The following PNN variants were observed in gnomAD, a reference collection of about 807,000 sequenced individuals.
The protein encoded by PNN is pinin, desmosome associated protein.
PNN carries 38 observed loss-of-function variants against 76.6 expected under a neutral mutation model. That is an observed-to-expected ratio of 0.50 (90% confidence interval 0.38 to 0.65). The LOEUF (loss-of-function observed/expected upper bound fraction) is 0.65, where lower values mean the gene tolerates loss of function less well. Among genes scored for constraint, PNN ranks in the 30% least tolerant of loss-of-function variants. The pLI, the probability that PNN is intolerant of heterozygous loss-of-function variation, is 0.00. For missense variants in PNN, 873 were observed against 874.1 expected (o/e 1.00, Z 0.02); for synonymous variants, 366 against 283.7 (o/e 1.29, Z -2.91).
chr14:39,177,300 C>T, intron 3 of PNN, 112 bp from the exon 4 acceptor site: 1 of 771,552 alleles, frequency 1.3e-6, no homozygotes, highest in Non-Finnish European at 2.1e-6. Context: ...GCAGGAGGAT[C>T]ACTTGAGCCT....
chr14:39,177,496 G>T lies in PNN; in HGVS notation c.327+12G>T. ...ATGATGTTAAAAAGGTATTGAGATT[G>T]AAAGAACTTAAATGAATGTAGTACC... On this transcript the variant is annotated intron_variant, in intron 4 of 8. Transcript: ENST00000216832. The T allele has an allele frequency of 1.2e-6, 2 of 1,612,072 alleles. No individual in the cohort carries two copies. Among genetic ancestry groups the T allele is most frequent in the Non-Finnish European group, 1.7e-6 (2 of 1,178,146 alleles).
chr14:39,181,911 T>A lies in PNN; in HGVS notation c.*48T>A. The A allele has an allele frequency of 6.6e-7, 1 of 1,510,256 alleles. No homozygotes were observed. Among genetic ancestry groups the A allele is most frequent in the South Asian group, 1.4e-5 (1 of 73,414 alleles). 93.6% of individuals were successfully genotyped at this position (1,510,256 alleles called of 1,614,324 possible). A position where few individuals can be genotyped will look rare whatever the true frequency, so the allele number is the denominator to read the frequency against. ...GCCATTCTTTGCAGCAGAAGATTTC[T>A]TGATAAAAAAGGATTACCTTTCCTT... is the stretch of plus-strand genomic sequence containing the variant. On this transcript the variant is annotated 3_prime_UTR_variant, in exon 9 of 9. Coordinates refer to ENST00000216832, the MANE Select transcript of PNN (RefSeq NM_002687.4).
At position 39,176,063 on chromosome 14, in the gene PNN, G is replaced by C; in HGVS notation, c.114-15G>C. ...TCTACATATGATTTTGCACTGATTT[G>C]TAAATCTTTTACAGGCCCATCCAAG... is the stretch of plus-strand genomic sequence containing the variant. On this transcript the variant is annotated splice_polypyrimidine_tract_variant and intron_variant, in intron 1 of 8. Transcript: ENST00000216832. 1.3e-6 allele frequency: 2 copies of C among 1,532,546 alleles called. No homozygotes were observed. The highest frequency in any genetic ancestry group is 1.8e-6 in the Non-Finnish European group (2 of 1,106,110). 94.9% of individuals were successfully genotyped at this position (1,532,546 alleles called of 1,614,324 possible). A position where few individuals can be genotyped will look rare whatever the true frequency, so the allele number is the denominator to read the frequency against.
In PNN at chr14:39,180,686, A is replaced by C. The variant is rs200125793; in HGVS notation, c.977A>C (p.His326Pro). The C allele has an allele frequency of 4.4e-6, 7 of 1,608,946 alleles. No individual in the cohort carries two copies. Among genetic ancestry groups the C allele is most frequent in the Non-Finnish European group, 5.9e-6 (7 of 1,177,092 alleles). ...GAGTTGGAGGAGACAGGTAATCAGC[A>C]CAATGATGTAGAAATAGAGGAAGCA... ...EEELEETGNQ[H>P]NDVEIEEAGE... The change falls in exon 9 of 9, where the codon CAC becomes CCC. Residue 326 changes from histidine to proline, a missense_variant. Physicochemically the swap from His to Pro is moderately conservative, Grantham distance 77. Around this residue, in one of 3 missense-constraint regions of PNN, gnomAD observed 712 missense variants for 693.1 expected, o/e 1.03. Coordinates refer to ENST00000216832, the MANE Select transcript of PNN (RefSeq NM_002687.4).
In PNN at chr14:39,181,912, T is replaced by C. The variant is rs1301312896; in HGVS notation, c.*49T>C. 6.6e-7 allele frequency: 1 copy of C among 1,508,644 alleles called. No individual in the cohort carries two copies. Among genetic ancestry groups the C allele is most frequent in the African/African-American group, 1.4e-5 (1 of 71,660 alleles). 93.5% of individuals were successfully genotyped at this position (1,508,644 alleles called of 1,614,324 possible). A position where few individuals can be genotyped will look rare whatever the true frequency, so the allele number is the denominator to read the frequency against. ...CCATTCTTTGCAGCAGAAGATTTCT[T>C]GATAAAAAAGGATTACCTTTCCTTG... On this transcript the variant is annotated 3_prime_UTR_variant, in exon 9 of 9. Transcript: ENST00000216832.
intron 6 of PNN, among the ~76,000 whole-genome samples, chr14:39,178,211 C>T (rs2053243657): frequency 6.6e-6 from 1 of 151,960 alleles, no homozygotes; most frequent in Non-Finnish European, 1.5e-5. Flanking sequence ...GTGCTAAGTT[C>T]TAGTTAGTTG....
In PNN at chr14:39,176,109, G is replaced by C; in HGVS notation, c.145G>C (p.Gly49Arg). Residue 49 changes from glycine (G) to arginine (R), a missense_variant, in exon 2 of 9, where the codon GGT (glycine) becomes CGT (arginine). Gly to Arg is a moderately radical substitution (Grantham distance 125). This residue lies in a region of PNN where 156 missense variants were observed against 161.7 expected (regional missense o/e 0.96). Coordinates refer to ENST00000216832, the MANE Select transcript of PNN (RefSeq NM_002687.4). Reference sequence around the variant, plus strand: ...CCAAGCCAGATTGCTGGCCCTTTCTGGTCCTGGTGGAGGTAGAGGACGTGG... The same window carrying C: ...CCAAGCCAGATTGCTGGCCCTTTCTCGTCCTGGTGGAGGTAGAGGACGTGG... Reference protein sequence around the residue: ...PIQARLLALSGPGGGRGRGSL... With the variant: ...PIQARLLALSRPGGGRGRGSL... 6.2e-7 allele frequency: 1 copy of C among 1,610,288 alleles called. No individual in the cohort carries two copies. Among genetic ancestry groups the C allele is most frequent in the East Asian group, 2.2e-5 (1 of 44,848 alleles).
At position 39,180,494 on chromosome 14, in the gene PNN, A is replaced by T; in HGVS notation, c.794-9A>T. ...GTAAATTTTACACATGTAAATTTTT[A>T]TTCTTTAGCTTTATTTGAAGGTAGA... On this transcript the variant is annotated splice_polypyrimidine_tract_variant and intron_variant, in intron 8 of 8. Transcript: ENST00000216832. 6.5e-7 allele frequency: 1 copy of T among 1,536,832 alleles called. No individual in the cohort carries two copies. The highest frequency in any genetic ancestry group is 8.7e-7 in the Non-Finnish European group (1 of 1,145,548).
Position 39,182,142 on chromosome 14 carries a change from C to A in PNN, c.*279C>A. On this transcript the variant is annotated 3_prime_UTR_variant, in exon 9 of 9. Transcript: ENST00000216832. ...TGTCATCTTTTTTAAATATCCTATACTCTTCAGTAAGAATCTGTATATTTT... is the reference window on the plus strand; with the variant it reads ...TGTCATCTTTTTTAAATATCCTATAATCTTCAGTAAGAATCTGTATATTTT... 3.6e-6 allele frequency: 1 copy of A among 277,696 alleles called. No homozygotes were observed. The highest frequency in any genetic ancestry group is 6.8e-6 in the Non-Finnish European group (1 of 147,926). The allele number at this position is 277,696 out of a possible 1,614,324, so 17.2% of individuals were successfully genotyped here.
intron 1 of PNN, chr14:39,175,676 CCTGCAGGCCCGGAA>C: frequency 2.0e-6 from 1 of 489,556 alleles, no homozygotes; most frequent in Non-Finnish European, 3.6e-6. Context: ...CGCTCTCGGC[CCTGCAGGCCCGGAA>C]CTGCAGCACA....
Position 39,181,930 on chromosome 14 carries a change from T to A in PNN, c.*67T>A. Reference sequence around the variant, plus strand: ...GATTTCTTGATAAAAAAGGATTACCTTTCCTTGTAAAGAGGATGCTGCCTT... The same window carrying A: ...GATTTCTTGATAAAAAAGGATTACCATTCCTTGTAAAGAGGATGCTGCCTT... On this transcript the variant is annotated 3_prime_UTR_variant, in exon 9 of 9. Transcript: ENST00000216832. 6.8e-7 allele frequency: 1 copy of A among 1,465,026 alleles called. No individual in the cohort carries two copies. Among genetic ancestry groups the A allele is most frequent in the Admixed American group, 2.4e-5 (1 of 41,496 alleles). The allele number at this position is 1,465,026 out of a possible 1,614,324, so 90.8% of individuals were successfully genotyped here.
chr14:39,179,035 C>G, intron 6 of PNN, 56 bp from the exon 7 acceptor site: 2 of 1,498,454 alleles, frequency 1.3e-6, no homozygotes, highest in Non-Finnish European at 1.8e-6. Flanking sequence ...TCATATATAC[C>G]TTTTGTTGTA....
intron 8 of PNN, among the ~76,000 whole-genome samples, chr14:39,179,702 G>A (rs2139403059): frequency 6.6e-6 from 1 of 152,080 alleles, no homozygotes; most frequent in East Asian, 1.9e-4. Flanking sequence ...GACCATCCCG[G>A]CTAACATGGT....
rs1355166400 is a variant in PNN at position 39,181,008 on chromosome 14, T to A, written c.1299T>A (p.Ile433=). Residue 433 remains isoleucine, a synonymous_variant, in exon 9 of 9, where the codon ATT becomes ATA. Transcript: ENST00000216832. ...TGGAACCAGAAATGGAATTTGAAAT[T>A]GAGCCAGATAAAGAATGTAAAACCC... The part of the protein sequence containing the change: ...KELEPEMEFE[I]EPDKECKTLS... 1.2e-5 allele frequency: 19 copies of A among 1,612,964 alleles called. No homozygotes were observed. Among genetic ancestry groups the A allele is most frequent in the Non-Finnish European group, 1.6e-5 (19 of 1,179,406 alleles).
chr14:39,180,979 G>C lies in PNN; in HGVS notation c.1270G>C (p.Glu424Gln). 6.2e-7 allele frequency: 1 copy of C among 1,613,540 alleles called. No homozygotes were observed. Among genetic ancestry groups the C allele is most frequent in the Non-Finnish European group, 8.5e-7 (1 of 1,179,794 alleles). The change falls in exon 9 of 9, where the codon GAA becomes CAA. Residue 424 changes from glutamate to glutamine, a missense_variant. By Grantham distance (29) the Glu-to-Gln change is conservative (BLOSUM62 2). Transcript: ENST00000216832. ...VEPSENEASK[E>Q]LEPEMEFEIE... Reference sequence around the variant, plus strand: ...ACCTTCAGAAAATGAAGCTAGCAAAGAATTGGAACCAGAAATGGAATTTGA... The same window carrying C: ...ACCTTCAGAAAATGAAGCTAGCAAACAATTGGAACCAGAAATGGAATTTGA...
Position 39,183,136 on chromosome 14 carries a change from A to T in PNN, c.*1273A>T, listed in dbSNP as rs534006088. 2.0e-5 allele frequency: 3 copies of T among 152,648 alleles called. No individual in the cohort carries two copies. Among genetic ancestry groups the T allele is most frequent in the African/African-American group, 7.2e-5 (3 of 41,588 alleles). 9.5% of individuals were successfully genotyped at this position (152,648 alleles called of 1,614,324 possible). A position where few individuals can be genotyped will look rare whatever the true frequency, so the allele number is the denominator to read the frequency against. The stretch of plus-strand genomic sequence containing the variant: ...TTCCAGTTAGTTTTTGTGTGTATAT[A>T]ACTCACTTGTGTAAGTGGATGTGTT... On this transcript the variant is annotated 3_prime_UTR_variant, in exon 9 of 9. Coordinates refer to ENST00000216832, the MANE Select transcript of PNN (RefSeq NM_002687.4).
In PNN at chr14:39,182,662, G is replaced by C. The variant is rs931722775; in HGVS notation, c.*799G>C. 1.3e-5 allele frequency: 2 copies of C among 152,610 alleles called. No homozygotes were observed. Among genetic ancestry groups the C allele is most frequent in the African/African-American group, 2.4e-5 (1 of 41,448 alleles). The allele number at this position is 152,610 out of a possible 1,614,324, so 9.5% of individuals were successfully genotyped here. A position where few individuals can be genotyped will look rare whatever the true frequency, so the allele number is the denominator to read the frequency against. On this transcript the variant is annotated 3_prime_UTR_variant, in exon 9 of 9. Transcript: ENST00000216832. Reference sequence around the variant, plus strand: ...CTTTCTAGGGGAGGGAGGTAGAAAAGTATCTTTCAAACTTGGTTTTTGAGT... The same window carrying C: ...CTTTCTAGGGGAGGGAGGTAGAAAACTATCTTTCAAACTTGGTTTTTGAGT...
In PNN at chr14:39,181,268, A is replaced by G. The variant is rs2053267545; in HGVS notation, c.1559A>G (p.Gln520Arg). 6.2e-7 allele frequency: 1 copy of G among 1,614,056 alleles called. No homozygotes were observed. Among genetic ancestry groups the G allele is most frequent in the Admixed American group, 1.7e-5 (1 of 60,000 alleles). The change falls in exon 9 of 9, where the codon CAA becomes CGA. Residue 520 changes from glutamine (Q) to arginine (R), a missense_variant. Around this residue, in one of 3 missense-constraint regions of PNN, gnomAD observed 712 missense variants for 693.1 expected, o/e 1.03. Transcript: ENST00000216832. ...CCAACACCCCAAGTTACTCAGGAGC[A>G]AGGGCATTTACTACCTGAGAGGAAG... ...LQPTPQVTQEQGHLLPERKDF... is the reference protein window; with the variant it reads ...LQPTPQVTQERGHLLPERKDF...
rs1370579157 is a variant in PNN at position 39,176,527 on chromosome 14, G to C, written c.186G>C (p.Arg62Ser). 6.2e-7 allele frequency: 1 copy of C among 1,601,924 alleles called. No homozygotes were observed. The highest frequency in any genetic ancestry group is 2.2e-5 in the East Asian group (1 of 44,736). The change falls in exon 3 of 9, where the codon AGG (arginine) becomes AGC (serine). Residue 62 changes from arginine (R) to serine (S), a missense_variant and splice_region_variant. By Grantham distance (110) the Arg-to-Ser change is moderately radical (BLOSUM62 -1). Around this residue, in one of 3 missense-constraint regions of PNN, gnomAD observed 156 missense variants for 161.7 expected, o/e 0.96. Transcript: ENST00000216832. ...GGRGRGSLLL[R>S]RGFSDSGGGP... ...TTATGTTGAACATTTTAAATTTCAGGCGTGGATTCTCAGATAGTGGAGGAG... is the reference window on the plus strand; with the variant it reads ...TTATGTTGAACATTTTAAATTTCAGCCGTGGATTCTCAGATAGTGGAGGAG...
Sources: gnomAD v4.1 joint callset for allele counts (sites outside exome capture counted in the v4.1 genomes callset) on GRCh38, gnomAD v4.1.1 for gene constraint, gnomAD v4.1.1 regional missense constraint, MANE v1.5 for transcripts, NCBI Gene and HGNC (gene_info 2026-07-23, HGNC 2026-07-21) for gene names.